NKAIN3: variants seen among roughly 807,000 people sequenced by gnomAD.
NKAIN3 encodes the protein sodium/potassium transporting ATPase interacting 3, also known as sodium/potassium-transporting ATPase subunit beta-1-interacting protein 3.
A neutral mutation model predicts 30.2 loss-of-function variants in NKAIN3; 25 were observed. The ratio of observed to expected loss-of-function variants is 0.83; its 90% confidence interval spans 0.60 to 1.16. NKAIN3 has a LOEUF of 1.16. NKAIN3 is among the 50% of genes most tolerant of loss of function. NKAIN3 has a pLI of 0.00. For missense variants in NKAIN3, 225 were observed against 254.1 expected (o/e 0.89, Z 0.78); for synonymous variants, 91 against 89.6 (o/e 1.02, Z -0.09).
At chr8:62,367,259 CAG>C (rs1400465740) in intron 1 of NKAIN3, among the ~76,000 whole-genome samples, 1 of 152,000 alleles carries the variant, frequency 6.6e-6, no homozygotes, top group East Asian at 1.9e-4. Context: ...CAGGCAAAGA[CAG>C]TGTAAGAAAA....
intron 1 of NKAIN3, among the ~76,000 whole-genome samples, chr8:62,539,490 T>C (rs981737697): frequency 6.6e-6 from 1 of 152,226 alleles, no homozygotes; most frequent in African/African-American, 2.4e-5. Context: ...GTATATGGTG[T>C]GCAGATCTTT....
intron 1 of NKAIN3, among the ~76,000 whole-genome samples, chr8:62,517,949 C>T (rs1808044366): frequency 6.6e-6 from 1 of 152,034 alleles, no homozygotes; most frequent in Non-Finnish European, 1.5e-5. Flanking sequence ...TCTATATCTT[C>T]CATTTCAAAT....
At chr8:62,992,112 A>T (rs117628822) in intron 5 of NKAIN3, among the ~76,000 whole-genome samples, 2 of 151,696 alleles carry the variant, frequency 1.3e-5, no homozygotes, top group East Asian at 3.9e-4. Context: ...TACATCTCCC[A>T]GGTTTAAGTG....
intron 3 of NKAIN3, among the ~76,000 whole-genome samples, chr8:62,605,268 G>T (rs573205951): frequency 2.0e-5 from 3 of 152,148 alleles, no homozygotes; most frequent in African/African-American, 7.2e-5. Context: ...TGTCAACCAT[G>T]CATTAGAATG....
intron 4 of NKAIN3, chr8:62,856,964 A>T (rs1820078259): frequency 3.7e-6 from 2 of 543,742 alleles, no homozygotes; most frequent in Non-Finnish European, 7.1e-6. Context: ...GCATCAACAA[A>T]AAAAAAACAA....
At chr8:62,468,530 T>A (rs1217320523) in intron 1 of NKAIN3, among the ~76,000 whole-genome samples, 2 of 152,204 alleles carry the variant, frequency 1.3e-5, no homozygotes, top group Non-Finnish European at 2.9e-5. Context: ...GGCAGCACAT[T>A]TGCTGTGCAT....
chr8:62,351,130 A>G (rs7002738), intron 1 of NKAIN3, among the ~76,000 whole-genome samples: 5,986 of 149,086 alleles, frequency 0.04, 427 homozygotes, highest in African/African-American at 0.14. Flanking sequence ...TATATACTAT[A>G]AAAAGTTATG....
chr8:62,545,574 A>C (rs1298239617), intron 1 of NKAIN3, among the ~76,000 whole-genome samples: 1 of 152,190 alleles, frequency 6.6e-6, no homozygotes, highest in East Asian at 1.9e-4. Context: ...CTAAATAAAT[A>C]AATAATGAAA....
intron 1 of NKAIN3, among the ~76,000 whole-genome samples, chr8:62,567,835 A>G (rs1202083333): frequency 6.6e-6 from 1 of 152,172 alleles, no homozygotes; most frequent in Non-Finnish European, 1.5e-5. Context: ...ATATAATATT[A>G]TAAAGTAAAA....
intron 1 of NKAIN3, among the ~76,000 whole-genome samples, chr8:62,313,999 T>C (rs924259259): frequency 6.6e-6 from 1 of 152,142 alleles, no homozygotes; most frequent in East Asian, 1.9e-4. Flanking sequence ...AAATGTATAA[T>C]GCATTTTTAT....
At chr8:62,253,058 A>G (rs1812159709) in intron 1 of NKAIN3, among the ~76,000 whole-genome samples, 1 of 152,216 alleles carries the variant, frequency 6.6e-6, no homozygotes, top group Non-Finnish European at 1.5e-5. Flanking sequence ...AGTTCAATGT[A>G]ACTTTGGCAT....
chr8:62,428,663 A>G (rs1804894762), intron 1 of NKAIN3, among the ~76,000 whole-genome samples: 1 of 151,908 alleles, frequency 6.6e-6, no homozygotes. Context: ...AGAAATGTCC[A>G]TTTAGCACTT....
intron 3 of NKAIN3, among the ~76,000 whole-genome samples, chr8:62,699,738 T>C (rs992028626): frequency 3.3e-5 from 5 of 152,228 alleles, no homozygotes; most frequent in Non-Finnish European, 7.3e-5. Context: ...TAGCCTGTAG[T>C]GGAATTCCAC....
intron 3 of NKAIN3, among the ~76,000 whole-genome samples, chr8:62,694,464 T>C (rs1368922363): frequency 6.6e-6 from 1 of 152,136 alleles, no homozygotes; most frequent in Non-Finnish European, 1.5e-5. Flanking sequence ...AGAAGACAAA[T>C]ACCACATCTT....
At chr8:62,992,707 C>T (rs1487666864) in intron 5 of NKAIN3, among the ~76,000 whole-genome samples, 1 of 151,944 alleles carries the variant, frequency 6.6e-6, no homozygotes, top group African/African-American at 2.4e-5. Flanking sequence ...GGGCTAGAGG[C>T]CACCAGTATA....
chr8:62,692,396 G>T (rs1337255052), intron 3 of NKAIN3, among the ~76,000 whole-genome samples: 1 of 152,134 alleles, frequency 6.6e-6, no homozygotes, highest in Non-Finnish European at 1.5e-5. Context: ...GCACAACACA[G>T]GTTCTATAAA....
At chr8:62,493,345 C>G (rs1055508275) in intron 1 of NKAIN3, among the ~76,000 whole-genome samples, 1 of 151,852 alleles carries the variant, frequency 6.6e-6, no homozygotes, top group Non-Finnish European at 1.5e-5. Flanking sequence ...GGTGTTTGGC[C>G]TTATATTTGG....
At chr8:62,702,003 T>C (rs564314954) in intron 3 of NKAIN3, among the ~76,000 whole-genome samples, 1 of 152,290 alleles carries the variant, frequency 6.6e-6, no homozygotes, top group South Asian at 2.1e-4. Flanking sequence ...CGGCTAACAG[T>C]AGCCACCTGC....
intron 1 of NKAIN3, among the ~76,000 whole-genome samples, chr8:62,529,025 C>A (rs950904791): frequency 6.6e-6 from 1 of 152,098 alleles, no homozygotes; most frequent in Non-Finnish European, 1.5e-5. Context: ...AACCAAGGCC[C>A]CTTTTCATTC....
Sources: allele counts gnomAD v4.1 joint callset (sites outside exome capture counted in the v4.1 genomes callset), GRCh38; gene constraint gnomAD v4.1.1; transcripts MANE v1.5; gene names NCBI Gene and HGNC (gene_info 2026-07-23, HGNC 2026-07-21).